SHANK1: variants seen among roughly 807,000 people sequenced by gnomAD.
SHANK1 encodes the protein SH3 and multiple ankyrin repeat domains 1.
In SHANK1, 35 loss-of-function variants were observed where a neutral mutation model predicts 165.6. The observed-to-expected ratio is 0.21, with a 90% CI of 0.16 to 0.28. The LOEUF (loss-of-function observed/expected upper bound fraction) is 0.28. Ranked by LOEUF, SHANK1 falls within the 10% of genes least tolerant of loss-of-function variation. The probability of loss-of-function intolerance (pLI) is 1.00; values close to 1 mark genes in which losing one functional copy is unlikely to be tolerated. For missense variants in SHANK1, 2,681 were observed against 3,036.4 expected (o/e 0.88, Z 2.75); for synonymous variants, 1,428 against 1,384.8 (o/e 1.03, Z -0.69).
Position 50,686,154 on chromosome 19 carries a change from A to G in SHANK1, c.2577+83T>C. 1.4e-6 allele frequency: 1 copy of G among 738,802 alleles called. No individual in the cohort carries two copies. Among genetic ancestry groups the G allele is most frequent in the Non-Finnish European group, 2.2e-6 (1 of 449,892 alleles). 45.8% of individuals were successfully genotyped at this position (738,802 alleles called of 1,614,324 possible). Reference sequence around the variant, plus strand: ...CAGCCTAAAGCACAGAGGCGTCAGGAGGGTTTTGGAAAGAGAAAGGCTCCA... The same window carrying G: ...CAGCCTAAAGCACAGAGGCGTCAGGGGGGTTTTGGAAAGAGAAAGGCTCCA... On this transcript the variant is annotated intron_variant, in intron 21 of 23. Transcript: ENST00000293441. This position sits in a 1 kb window ranked among gnomAD's most constrained non-coding sequence, Gnocchi z 5.7.
rs1985631728 is a variant in SHANK1, at chr19:50,668,206, G to A, written c.3754C>T (p.Arg1252Trp). Residue 1252 changes from arginine (R) to tryptophan (W), a missense_variant, in exon 23 of 24, where the codon CGG (arginine) becomes TGG (tryptophan). Coordinates refer to ENST00000293441, the MANE Select transcript of SHANK1 (RefSeq NM_016148.5). ...GTGGACAGGAACAGCGTGGAGCGCC[G>A]GCGCGCCTCATTCTGCCAGCCCCCC... ...REGGWQNEAR[R>W]RSTLFLSTDA... 4 of 1,495,984 alleles carry A rather than the reference G, an allele frequency of 2.7e-6. No individual in the cohort carries two copies. The highest frequency in any genetic ancestry group is 3.5e-6 in the Non-Finnish European group (4 of 1,135,824). The allele number at this position is 1,495,984 out of a possible 1,614,324, so 92.7% of individuals were successfully genotyped here. A position where few individuals can be genotyped will look rare whatever the true frequency, so the allele number is the denominator to read the frequency against.
intron 23 of SHANK1, among the ~76,000 whole-genome samples, chr19:50,665,083 G>A (rs1985422531): frequency 6.6e-6 from 1 of 152,150 alleles, no homozygotes; most frequent in Non-Finnish European, 1.5e-5. Flanking sequence ...TTCATCATGG[G>A]ATGTAGGTTG....
intron 6 of SHANK1, among the ~76,000 whole-genome samples, chr19:50,712,751 G>A (rs113360490): frequency 2.2e-4 from 34 of 151,966 alleles, no homozygotes; most frequent in African/African-American, 5.3e-4. Context: ...CCAACAGAAC[G>A]TTTCCCCCAT....
At chr19:50,698,591 A>G (rs1037013374) in intron 12 of SHANK1, among the ~76,000 whole-genome samples, 7 of 151,930 alleles carry the variant, frequency 4.6e-5, no homozygotes, top group African/African-American at 1.5e-4. Flanking sequence ...CTGCTGAAAA[A>G]CAGAGATATA....
intron 4 of SHANK1, among the ~76,000 whole-genome samples, chr19:50,714,624 A>G (rs1599874459): frequency 6.9e-6 from 1 of 145,814 alleles, no homozygotes; most frequent in East Asian, 2.0e-4. Flanking sequence ...GAACCCTGAA[A>G]GGTTGAGGCT....
At chr19:50,663,778 T>C (rs1406050792) in intron 23 of SHANK1, among the ~76,000 whole-genome samples, 3 of 151,754 alleles carry the variant, frequency 2.0e-5, no homozygotes, top group African/African-American at 7.3e-5. Context: ...AAAAATCCTC[T>C]TCTCTAACCA....
In SHANK1 at chr19:50,686,984, G is replaced by T. The variant is rs962263793; in HGVS notation, c.2390-172C>A. 2 of 1,419,622 alleles carry T rather than the reference G, an allele frequency of 1.4e-6. No individual in the cohort carries two copies. Among genetic ancestry groups the T allele is most frequent in the Non-Finnish European group, 1.8e-6 (2 of 1,085,546 alleles). 87.9% of individuals were successfully genotyped at this position (1,419,622 alleles called of 1,614,324 possible). On this transcript the variant is annotated intron_variant, in intron 19 of 23. Coordinates refer to ENST00000293441, the MANE Select transcript of SHANK1 (RefSeq NM_016148.5). The surrounding 1 kb of genome is among the most constrained non-coding windows in gnomAD (Gnocchi z 5.7). The stretch of plus-strand genomic sequence containing the variant: ...GAGTCCGCCGGCGGGGTCGGGAGAC[G>T]GGGGCCCTCCCGCCAGTCCTGTGCC...
At position 50,687,590 on chromosome 19, in the gene SHANK1, T is replaced by C; in HGVS notation, c.2381A>G (p.Glu794Gly). 6.5e-7 allele frequency: 1 copy of C among 1,547,260 alleles called. No homozygotes were observed. Among genetic ancestry groups the C allele is most frequent in the Admixed American group, 2.0e-5 (1 of 50,176 alleles). Residue 794 changes from glutamate (E) to glycine (G), a missense_variant, in exon 19 of 24, where the codon GAG becomes GGG. Glu to Gly is a moderately conservative substitution (Grantham distance 98). Transcript: ENST00000293441. ...LRSKSMTSEL[E>G]EMEYEQQPAP... ...CAGCCCCGCAGGCTCACCCATCTCC[T>C]CCAGCTCTGAGGTCATAGATTTGGA... is the stretch of plus-strand genomic sequence containing the variant.
chr19:50,687,069 C>T, intron 19 of SHANK1: 1 of 1,428,404 alleles, frequency 7.0e-7, no homozygotes, highest in Non-Finnish European at 9.2e-7. Context: ...AGTAGAGGAG[C>T]CAAGAGTTAG....
Position 50,697,599 on chromosome 19 carries a change from C to T in SHANK1, c.1927G>A (p.Asp643Asn). Reference sequence around the variant, plus strand: ...TGTAAGGACATTTACCTTGGGGCATCAAAGCTGTCGTAGGAGCCCACGGTA... The same window carrying T: ...TGTAAGGACATTTACCTTGGGGCATTAAAGCTGTCGTAGGAGCCCACGGTA... ...HYTVGSYDSF[D>N]APSLMDGIGP... The change falls in exon 14 of 24, where the codon GAT becomes AAT. Residue 643 changes from aspartate (D) to asparagine (N), a missense_variant. Transcript: ENST00000293441. The surrounding 1 kb of genome is among the most constrained non-coding windows in gnomAD (Gnocchi z 4.7). 3 of 1,613,918 alleles carry T rather than the reference C, an allele frequency of 1.9e-6. No individual in the cohort carries two copies. The highest frequency in any genetic ancestry group is 2.5e-6 in the Non-Finnish European group (3 of 1,179,866).
At chr19:50,671,180 CTTTT>C (rs35076465) in intron 22 of SHANK1, among the ~76,000 whole-genome samples, 2 of 76,724 alleles carry the variant, frequency 2.6e-5, no homozygotes, top group African/African-American at 5.7e-5. Context: ...TTTTTTCACT[CTTTT>C]TTTTTTTTTT....
intron 5 of SHANK1, 60 bp from the exon 6 acceptor site, chr19:50,714,009 A>AT (rs2123203084): frequency 6.3e-7 from 1 of 1,595,600 alleles, no homozygotes; most frequent in East Asian, 2.3e-5. Context: ...ATCCCTTCCC[A>AT]TTTTCCAGGC....
At chr19:50,714,017 G>C (rs1164034867) in intron 5 of SHANK1, 68 bp from the exon 6 acceptor site, 3 of 1,588,384 alleles carry the variant, frequency 1.9e-6, no homozygotes, top group Non-Finnish European at 2.6e-6. Context: ...CCATTTTCCA[G>C]GCTCTGCAGC....
intron 15 of SHANK1, among the ~76,000 whole-genome samples, chr19:50,694,019 C>CCACACACACACACACACACACACACA: frequency 1.4e-5 from 2 of 138,618 alleles, no homozygotes; most frequent in Admixed American, 1.4e-4. Context: ...CCAGCACACA[C>CCACACACACACACACACACACACACA]CACACACACA....
Position 50,662,202 on chromosome 19 carries a change from C to T in SHANK1, c.6249G>A (p.Ser2083=), listed in dbSNP as rs144116162. ...SRSLSPTRLL[S]LPPDKPFGAK... is the part of the protein sequence containing the mutation. The stretch of plus-strand genomic sequence containing the variant: ...CGCCAAACGGCTTGTCCGGGGGCAG[C>T]GAGAGCAGGCGGGTCGGTGAGAGGG... The change falls in exon 24 of 24, where the codon TCG becomes TCA. Residue 2083 remains serine, a synonymous_variant. Coordinates refer to ENST00000293441, the MANE Select transcript of SHANK1 (RefSeq NM_016148.5). The surrounding 1 kb of genome is among the most constrained non-coding windows in gnomAD (Gnocchi z 7.7). 1,976 of 1,608,876 alleles carry T rather than the reference C, an allele frequency of 1.2e-3. 3 individuals are homozygous for T. The highest frequency in any genetic ancestry group is 1.6e-3 in the Non-Finnish European group (1,870 of 1,176,254).
In SHANK1 at chr19:50,669,024, C is replaced by A. The variant is rs545169740; in HGVS notation, c.2936G>T (p.Arg979Leu). 4 of 832,950 alleles carry A rather than the reference C, an allele frequency of 4.8e-6. No individual in the cohort carries two copies. In the African/African-American group the frequency reaches 6.0e-5, roughly 12 times the overall value. The allele number at this position is 832,950 out of a possible 1,614,324, so 51.6% of individuals were successfully genotyped here. ...SFDGPSPPDT[R>L]VGSREKSLYH... Reference sequence around the variant, plus strand: ...CAGGCTCTTCTCGCGGCTCCCCACGCGAGTGTCGGGAGGGGAGGGCCCGTC... The same window carrying A: ...CAGGCTCTTCTCGCGGCTCCCCACGAGAGTGTCGGGAGGGGAGGGCCCGTC... The change falls in exon 23 of 24, where the codon CGC becomes CTC. Residue 979 changes from arginine (R) to leucine (L), a missense_variant. Around this residue, in one of 10 missense-constraint regions of SHANK1, gnomAD observed 1,713 missense variants for 1,630.2 expected, o/e 1.05. Transcript: ENST00000293441.
chr19:50,701,385 G>T (rs1324916358), intron 12 of SHANK1, among the ~76,000 whole-genome samples: 4 of 150,732 alleles, frequency 2.7e-5, no homozygotes, highest in Non-Finnish European at 4.4e-5. Context: ...TAGAGATGGG[G>T]ATTCACCATG....
intron 15 of SHANK1, among the ~76,000 whole-genome samples, chr19:50,693,008 GTA>G (rs929524229): frequency 6.6e-6 from 1 of 150,840 alleles, no homozygotes; most frequent in African/African-American, 2.4e-5. Flanking sequence ...ACCTCCGTAA[GTA>G]ATCTCACTGG....
At chr19:50,687,463 G>T (rs1008245778) in intron 19 of SHANK1, 119 bp downstream of exon 19, 6 of 738,494 alleles carry the variant, frequency 8.1e-6, no homozygotes, top group Non-Finnish European at 1.3e-5. Flanking sequence ...CCATGGACTG[G>T]GGACAGGATG....
Sources: gnomAD v4.1 joint callset for allele counts (sites outside exome capture counted in the v4.1 genomes callset) on GRCh38, gnomAD v4.1.1 for gene constraint, gnomAD v4.1.1 regional missense constraint, Gnocchi (gnomAD v3.1) non-coding constraint, MANE v1.5 for transcripts, NCBI Gene and HGNC (gene_info 2026-07-23, HGNC 2026-07-21) for gene names.